CSGALNACT1: variants seen among roughly 807,000 people sequenced by gnomAD.
The protein encoded by CSGALNACT1 is chondroitin sulfate N-acetylgalactosaminyltransferase 1, also known as beta4GalNAcT-1.
Under a neutral mutation model 51.0 loss-of-function variants are expected in CSGALNACT1, and 52 were observed. That is an observed-to-expected ratio of 1.02 (90% CI 0.82 to 1.29). The LOEUF is 1.29. Ranked by LOEUF, CSGALNACT1 falls within the 50% of genes most tolerant of loss-of-function variation. The probability of loss-of-function intolerance (pLI) is 0.00; values close to 1 mark genes in which losing one functional copy is unlikely to be tolerated. For synonymous variants in CSGALNACT1, 341 were observed against 254.4 expected, an observed-to-expected ratio of 1.34 and a Z score of -3.24; for missense variants, 935 against 679.2, an observed-to-expected ratio of 1.38 and a Z score of -4.19.
chr8:19,650,889 G>C (rs1346674852), intron 1 of CSGALNACT1, among the ~76,000 whole-genome samples: 32 of 152,188 alleles, frequency 2.1e-4, no homozygotes, highest in Admixed American at 2.1e-3. Flanking sequence ...AGAGTCACGA[G>C]TTGCTCCCGT....
At chr8:19,683,006 C>T (rs577895243), upstream of CSGALNACT1, 5 of 277,358 alleles carry the variant, frequency 1.8e-5, no homozygotes, top group African/African-American at 6.6e-5. Context: ...TCACCCTGAA[C>T]ACAGCATCCC....
intron 4 of CSGALNACT1, among the ~76,000 whole-genome samples, chr8:19,476,477 G>A (rs187143518): frequency 6.6e-6 from 1 of 152,052 alleles, no homozygotes; most frequent in Non-Finnish European, 1.5e-5. Flanking sequence ...CCTGACCTCA[G>A]GTGATCCACC....
rs78279617 is a variant in CSGALNACT1 at position 19,470,013 on chromosome 8, A to G, written c.635-11371T>C. Among the ~76,000 whole-genome samples the G allele has an allele frequency of 1.9e-3, 297 of 152,348 alleles. 2 individuals carry two copies. Among genetic ancestry groups the G allele is most frequent in the Admixed American group, 0.015 (227 of 15,310 alleles). ...AAATCAGAGGAATTACCGAGTTGAC[A>G]GAATGTTTTTTAAAAATATTGGAAA... On this transcript the variant is annotated intron_variant, in intron 4 of 9. Coordinates refer to ENST00000454498, the Ensembl canonical transcript of CSGALNACT1.
intron 3 of CSGALNACT1, among the ~76,000 whole-genome samples, chr8:19,557,923 A>G (rs2039835614): frequency 1.3e-5 from 2 of 152,218 alleles, no homozygotes; most frequent in Non-Finnish European, 2.9e-5. Context: ...GTTTGAAACC[A>G]TATCAAAAGG....
chr8:19,691,042 C>A (rs1035352191), intron 1 of CSGALNACT1, among the ~76,000 whole-genome samples: 1 of 152,244 alleles, frequency 6.6e-6, no homozygotes, highest in East Asian at 1.9e-4. Context: ...CAGTGAGTGG[C>A]AATTGCACCA....
chr8:19,624,002 C>T (rs781166515), intron 1 of CSGALNACT1, among the ~76,000 whole-genome samples: 3 of 152,228 alleles, frequency 2.0e-5, no homozygotes, highest in Non-Finnish European at 4.4e-5. Flanking sequence ...CGGGCAGCTA[C>T]TCCATGGAAC....
chr8:19,530,508 A>C (rs1305644274), intron 3 of CSGALNACT1, among the ~76,000 whole-genome samples: 3 of 152,206 alleles, frequency 2.0e-5, no homozygotes, highest in Non-Finnish European at 2.9e-5. Context: ...TGTAAACTTT[A>C]CTAGAATTCA....
chr8:19,640,607 T>A (rs936552200), intron 1 of CSGALNACT1, among the ~76,000 whole-genome samples: 4 of 152,232 alleles, frequency 2.6e-5, no homozygotes, highest in Non-Finnish European at 5.9e-5. Flanking sequence ...CTAAGCAGAT[T>A]CTTCTAACAG....
chr8:19,752,227 A>G (rs957488236), intron 1 of CSGALNACT1, among the ~76,000 whole-genome samples: 1 of 149,374 alleles, frequency 6.7e-6, no homozygotes, highest in Non-Finnish European at 1.5e-5. Context: ...TAAAATATAT[A>G]CACACACATA....
chr8:19,599,618 A>C (rs1384973409), intron 2 of CSGALNACT1, among the ~76,000 whole-genome samples: 1 of 152,122 alleles, frequency 6.6e-6, no homozygotes, highest in Non-Finnish European at 1.5e-5. Flanking sequence ...GAAAGAATAA[A>C]TAAATAAGTA....
intron 1 of CSGALNACT1, among the ~76,000 whole-genome samples, chr8:19,688,281 A>G (rs932621608): frequency 1.2e-4 from 18 of 152,164 alleles, no homozygotes; most frequent in Admixed American, 1.2e-3. Flanking sequence ...TGAGGAGAAC[A>G]ATTCATACCT....
intron 1 of CSGALNACT1, among the ~76,000 whole-genome samples, chr8:19,708,704 T>C (rs2062326466): frequency 6.6e-6 from 1 of 152,150 alleles, no homozygotes. Flanking sequence ...TACTGCTCCA[T>C]CCTCTCCCCA....
intron 4 of CSGALNACT1, among the ~76,000 whole-genome samples, chr8:19,503,838 G>A (rs1477074779): frequency 6.7e-6 from 1 of 150,090 alleles, no homozygotes; most frequent in Non-Finnish European, 1.5e-5. Context: ...TTCTTTACCT[G>A]GCTCTAGGCA....
At chr8:19,623,237 A>G (rs2154162968) in intron 1 of CSGALNACT1, among the ~76,000 whole-genome samples, 1 of 152,358 alleles carries the variant, frequency 6.6e-6, no homozygotes, top group East Asian at 1.9e-4. Context: ...CTGTATGCAT[A>G]TAATAACATG....
chr8:19,737,739 G>T (rs1253839250), intron 1 of CSGALNACT1, among the ~76,000 whole-genome samples: 2 of 152,176 alleles, frequency 1.3e-5, no homozygotes, highest in African/African-American at 2.4e-5. Flanking sequence ...TAAAGACTGA[G>T]ATCATCACAT....
intron 8 of CSGALNACT1, 101 bp from the exon 8 acceptor site, chr8:19,408,795 C>A: frequency 9.9e-7 from 1 of 1,010,982 alleles, no homozygotes; most frequent in South Asian, 1.3e-5. Flanking sequence ...GAGCCCATCC[C>A]ATCACTGATA....
intron 3 of CSGALNACT1, among the ~76,000 whole-genome samples, chr8:19,530,817 G>C (rs954580836): frequency 2.6e-5 from 4 of 152,174 alleles, no homozygotes; most frequent in African/African-American, 9.7e-5. Context: ...AATGAGAAAG[G>C]GACTGGTGAG....
intron 1 of CSGALNACT1, among the ~76,000 whole-genome samples, chr8:19,650,419 C>A (rs1413309985): frequency 6.6e-6 from 1 of 152,170 alleles, no homozygotes; most frequent in Non-Finnish European, 1.5e-5. Flanking sequence ...AGGAGGGGTT[C>A]TAGTTTCAAG....
chr8:19,477,549 T>C (rs540902545), intron 4 of CSGALNACT1, among the ~76,000 whole-genome samples: 1 of 152,330 alleles, frequency 6.6e-6, no homozygotes, highest in African/African-American at 2.4e-5. Context: ...AAATGCGCCT[T>C]GGTTATGTAA....
Sources: gnomAD v4.1 joint callset for allele counts (sites outside exome capture counted in the v4.1 genomes callset) on GRCh38, gnomAD v4.1.1 for gene constraint, MANE v1.5 for transcripts, NCBI Gene and HGNC (gene_info 2026-07-23, HGNC 2026-07-21) for gene names.